Variants in TYW1B observed in about 807,000 individuals in gnomAD.
TYW1B encodes S-adenosyl-L-methionine-dependent tRNA 4-demethylwyosine synthase TYW1B.
A neutral mutation model predicts 86.9 loss-of-function variants in TYW1B; 73 were observed. That is an observed-to-expected ratio of 0.84 (90% CI 0.70 to 1.02). The LOEUF is 1.02. Among genes scored for constraint, TYW1B ranks in the 50% least tolerant of loss-of-function variants. TYW1B has a pLI of 0.00. For missense variants in TYW1B, 637 were observed against 827.4 expected, an observed-to-expected ratio of 0.77 and a Z score of 2.82; for synonymous variants, 248 against 292.8, an observed-to-expected ratio of 0.85 and a Z score of 1.56.
At chr7:72,611,519 T>C (rs1554435926) in intron 13 of TYW1B, among the ~76,000 whole-genome samples, 1 of 152,116 alleles carries the variant, frequency 6.6e-6, no homozygotes, top group Admixed American at 6.6e-5. Context: ...CTCTTTTCTC[T>C]CGTCTGCCAC....
chr7:72,717,434 C>A (rs1786812097), intron 9 of TYW1B, among the ~76,000 whole-genome samples: 1 of 152,198 alleles, frequency 6.6e-6, no homozygotes, highest in Non-Finnish European at 1.5e-5. Flanking sequence ...ACCTGCATTC[C>A]ACAGGAAGCG....
At chr7:72,776,706 G>C (rs1442874164) in intron 7 of TYW1B, among the ~76,000 whole-genome samples, 1 of 150,240 alleles carries the variant, frequency 6.7e-6, no homozygotes, top group Non-Finnish European at 1.5e-5. Context: ...AACAGGAAAA[G>C]GGAAATAAAA....
At chr7:72,752,684 T>C (rs1369904848) in intron 7 of TYW1B, among the ~76,000 whole-genome samples, 1 of 151,938 alleles carries the variant, frequency 6.6e-6, no homozygotes, top group Non-Finnish European at 1.5e-5. Context: ...TGAGCCAAGA[T>C]TGCACCACCG....
intron 11 of TYW1B, among the ~76,000 whole-genome samples, chr7:72,639,644 C>T (rs1343155934): frequency 6.6e-6 from 1 of 151,900 alleles, no homozygotes; most frequent in Non-Finnish European, 1.5e-5. Flanking sequence ...TGAGCAGATC[C>T]CCTGAGGTCA....
At position 72,805,378 on chromosome 7, in the gene TYW1B, C is replaced by T. The variant is rs547475044; in HGVS notation, c.723+1688G>A. Among the ~76,000 whole-genome samples the T allele has an allele frequency of 4.7e-5, 7 of 149,926 alleles. No individual in the cohort carries two copies. The South Asian group carries it at 8.5e-4, about 18-fold the overall frequency. ...CTATGATCCCAGCATTTTGGGAGGC[C>T]GGGCCAGTGGATCACTTGAGCCCAA... On this transcript the variant is annotated intron_variant, in intron 5 of 13. Coordinates refer to ENST00000620995, the MANE Select transcript of TYW1B (RefSeq NM_001145440.3).
At chr7:72,659,396 T>C (rs1813278977) in intron 11 of TYW1B, among the ~76,000 whole-genome samples, 1 of 152,040 alleles carries the variant, frequency 6.6e-6, no homozygotes, top group African/African-American at 2.4e-5. Flanking sequence ...CTGGCTAACA[T>C]GGTGAAACCT....
chr7:72,680,268 G>A (rs1482460404), intron 11 of TYW1B, among the ~76,000 whole-genome samples: 1 of 152,142 alleles, frequency 6.6e-6, no homozygotes, highest in African/African-American at 2.4e-5. Context: ...CTCAATCTGG[G>A]TGGGCACCAT....
intron 11 of TYW1B, among the ~76,000 whole-genome samples, chr7:72,632,364 TACG>T (rs1563038601): frequency 1.1e-4 from 11 of 103,980 alleles, no homozygotes; most frequent in African/African-American, 5.4e-4. Context: ...ATTATATATA[TACG>T]CATATATATT....
chr7:72,617,757 G>A (rs1412617205), intron 12 of TYW1B, among the ~76,000 whole-genome samples: 2 of 152,148 alleles, frequency 1.3e-5, no homozygotes, highest in Admixed American at 6.5e-5. Flanking sequence ...ATTTGTGCAT[G>A]TACCTACATA....
At chr7:72,681,591 C>CTTTTTTT (rs71069098) in intron 11 of TYW1B, among the ~76,000 whole-genome samples, 4 of 111,020 alleles carry the variant, frequency 3.6e-5, no homozygotes, top group Admixed American at 1.0e-4. Context: ...ATATTTACTT[C>CTTTTTTT]TTTTTTTTTT....
At chr7:72,822,879 A>T (rs1232569101) in intron 2 of TYW1B, 1 of 152,284 alleles carries the variant, frequency 6.6e-6, no homozygotes, top group Non-Finnish European at 1.5e-5. Flanking sequence ...CCATATTCTC[A>T]TCTACCCAGG....
At chr7:72,654,431 A>C (rs538613454) in intron 11 of TYW1B, among the ~76,000 whole-genome samples, 1 of 152,346 alleles carries the variant, frequency 6.6e-6, no homozygotes, top group African/African-American at 2.4e-5. Flanking sequence ...ATCAAAGACA[A>C]GGGAAGTCTG....
At chr7:72,649,414 A>G (rs1297236532) in intron 11 of TYW1B, among the ~76,000 whole-genome samples, 1 of 152,204 alleles carries the variant, frequency 6.6e-6, no homozygotes, top group Non-Finnish European at 1.5e-5. Context: ...CAGAAATAAG[A>G]GAAACAATGT....
intron 10 of TYW1B, among the ~76,000 whole-genome samples, chr7:72,713,017 G>A (rs1478493491): frequency 6.6e-6 from 1 of 151,864 alleles, no homozygotes; most frequent in African/African-American, 2.4e-5. Context: ...ATAAAAATTA[G>A]ACCAGGCGCA....
intron 13 of TYW1B, among the ~76,000 whole-genome samples, chr7:72,605,260 C>T (rs1432138358): frequency 6.6e-6 from 1 of 151,856 alleles, no homozygotes; most frequent in Non-Finnish European, 1.5e-5. Flanking sequence ...GAAAATCTTA[C>T]AAATTTAATG....
chr7:72,607,150 A>G (rs1356050624), intron 13 of TYW1B, among the ~76,000 whole-genome samples: 2 of 152,094 alleles, frequency 1.3e-5, no homozygotes, highest in African/African-American at 4.8e-5. Flanking sequence ...CTGTAATCCC[A>G]GGGAGGTGGA....
intron 13 of TYW1B, among the ~76,000 whole-genome samples, chr7:72,603,005 T>TA (rs1811704486): frequency 6.6e-6 from 1 of 152,076 alleles, no homozygotes; most frequent in African/African-American, 2.4e-5. Context: ...TAACCCTAGG[T>TA]AAAAAATAAA....
intron 7 of TYW1B, among the ~76,000 whole-genome samples, chr7:72,772,067 T>G (rs1787878045): frequency 1.3e-5 from 2 of 151,828 alleles, no homozygotes; most frequent in South Asian, 4.2e-4. Flanking sequence ...CAGGCTGGTC[T>G]CGAACTCCTG....
intron 11 of TYW1B, among the ~76,000 whole-genome samples, chr7:72,659,078 G>A (rs1314877397): frequency 6.6e-6 from 1 of 152,174 alleles, no homozygotes; most frequent in Non-Finnish European, 1.5e-5. Flanking sequence ...TCATTAGGAA[G>A]AAAGCCCAAG....
Sources: allele counts gnomAD v4.1 joint callset (sites outside exome capture counted in the v4.1 genomes callset), GRCh38; gene constraint gnomAD v4.1.1; transcripts MANE v1.5; gene names NCBI Gene and HGNC (gene_info 2026-07-23, HGNC 2026-07-21).